The following PHKB variants were observed in gnomAD, a reference collection of about 807,000 sequenced individuals.
The protein encoded by PHKB is phosphorylase kinase regulatory subunit beta.
A neutral mutation model predicts 152.1 loss-of-function variants in PHKB; 122 were observed. The observed-to-expected ratio is 0.80, with a 90% CI of 0.69 to 0.93. The LOEUF is 0.93. PHKB is among the 40% of genes least tolerant of loss of function. PHKB has a pLI of 0.00. For synonymous variants in PHKB, 436 were observed against 464.9 expected (o/e 0.94, Z 0.80); for missense variants, 1,304 against 1,328.4 (o/e 0.98, Z 0.29).
In PHKB at chr16:47,593,529, C is replaced by T. The variant is rs1321122122; in HGVS notation, c.1098C>T (p.Pro366=). The T allele has an allele frequency of 2.0e-6, 3 of 1,496,356 alleles. No homozygotes were observed. The Admixed American group carries it at 5.0e-5, about 25-fold the overall frequency. 92.7% of individuals were successfully genotyped at this position (1,496,356 alleles called of 1,614,324 possible). ...KLFDGIECEF[P]IFFLYMMIDG... is the part of the protein sequence containing the mutation. ...TTGATGGCATTGAATGTGAATTTCC[C>T]ATATTTTTCCTTTATATGATGATTG... Residue 366 remains proline, a synonymous_variant, in exon 11 of 31, where the codon CCC becomes CCT. Coordinates refer to ENST00000323584, the MANE Select transcript of PHKB (RefSeq NM_000293.3).
At chr16:47,520,309 T>C (rs931802292) in intron 6 of PHKB, among the ~76,000 whole-genome samples, 7 of 152,248 alleles carry the variant, frequency 4.6e-5, no homozygotes, top group Non-Finnish European at 7.3e-5. Context: ...TTATGTGCTG[T>C]CACTGTTCAA....
intron 6 of PHKB, among the ~76,000 whole-genome samples, chr16:47,518,425 G>A (rs1376398061): frequency 6.6e-6 from 1 of 152,124 alleles, no homozygotes; most frequent in Non-Finnish European, 1.5e-5. Context: ...TAGTTCCTTT[G>A]GGAGAGGGCC....
chr16:47,464,473 C>T (rs1333690673), intron 1 of PHKB, among the ~76,000 whole-genome samples: 4 of 152,280 alleles, frequency 2.6e-5, no homozygotes, highest in Admixed American at 2.6e-4. Flanking sequence ...GTGCTTTGGC[C>T]TTTATCCTGT....
At chr16:47,629,016 A>T (rs1051978226) in intron 14 of PHKB, among the ~76,000 whole-genome samples, 2 of 152,208 alleles carry the variant, frequency 1.3e-5, no homozygotes, top group Non-Finnish European at 2.9e-5. Flanking sequence ...TTATACAAAA[A>T]TCAATTCAAG....
intron 13 of PHKB, among the ~76,000 whole-genome samples, chr16:47,608,127 T>A (rs1262806984): frequency 6.6e-6 from 1 of 152,198 alleles, no homozygotes; most frequent in African/African-American, 2.4e-5. Context: ...TTCTCACCAT[T>A]CTTTGGGCTG....
At chr16:47,530,268 T>G (rs550345119) in intron 6 of PHKB, among the ~76,000 whole-genome samples, 1 of 152,000 alleles carries the variant, frequency 6.6e-6, no homozygotes, top group East Asian at 1.9e-4. Flanking sequence ...CCTAAGTAGC[T>G]GGGATCACAG....
At chr16:47,630,713 GT>G (rs1972812867) in intron 14 of PHKB, among the ~76,000 whole-genome samples, 1 of 152,146 alleles carries the variant, frequency 6.6e-6, no homozygotes, top group Admixed American at 6.5e-5. Flanking sequence ...TATTCTGAGT[GT>G]TTCTGTGACA....
At chr16:47,489,755 C>T (rs1035183517) in intron 1 of PHKB, among the ~76,000 whole-genome samples, 2 of 152,198 alleles carry the variant, frequency 1.3e-5, no homozygotes, top group Non-Finnish European at 2.9e-5. Context: ...CTTTTATTAG[C>T]TATGCAAGTT....
At position 47,698,601 on chromosome 16, in the gene PHKB, CTTT is replaced by C. The variant is rs5816579; in HGVS notation, c.3144+32_3144+34del. ...AATTGAAAAACAAGTAAGTACACAGCTTTTTTTTTTTTTTTTTTTTTGAGAATT... is the reference window on the plus strand; with the variant it reads ...AATTGAAAAACAAGTAAGTACACAGCTTTTTTTTTTTTTTTTTTGAGAATT... On this transcript the variant is annotated intron_variant, in intron 30 of 30. Coordinates refer to ENST00000323584, the MANE Select transcript of PHKB (RefSeq NM_000293.3). 7.2e-4 allele frequency: 523 copies of C among 730,096 alleles called. No individual in the cohort carries two copies. The highest frequency in any genetic ancestry group is 3.2e-3 in the Middle Eastern group (6 of 1,904). The allele number at this position is 730,096 out of a possible 1,614,324, so 45.2% of individuals were successfully genotyped here.
intron 8 of PHKB, among the ~76,000 whole-genome samples, chr16:47,584,184 A>AT (rs1971897531): frequency 6.6e-6 from 1 of 152,112 alleles, no homozygotes; most frequent in South Asian, 2.1e-4. Flanking sequence ...ATAAAAGCCA[A>AT]TTTGGGGCAG....
chr16:47,585,403 C>G (rs1971918720), intron 8 of PHKB, among the ~76,000 whole-genome samples: 1 of 152,138 alleles, frequency 6.6e-6, no homozygotes, highest in Non-Finnish European at 1.5e-5. Context: ...GTGTTCAAAG[C>G]AGTGCAGACA....
At position 47,606,221 on chromosome 16, in the gene PHKB, C is replaced by T. The variant is rs1972321080; in HGVS notation, c.1364-4605C>T. 2.6e-5 allele frequency among the ~76,000 whole-genome samples: 4 copies of T among 152,044 alleles called. No individual in the cohort carries two copies. In the South Asian group the frequency reaches 8.3e-4, roughly 32 times the overall value. ...TACTAAAATCCTTTGGTGATTTTGT[C>T]TCAAATAACAATGCAGATGTGCCTG... On this transcript the variant is annotated intron_variant, in intron 13 of 30. Coordinates refer to ENST00000323584, the MANE Select transcript of PHKB (RefSeq NM_000293.3).
intron 13 of PHKB, 70 bp from the exon 14 acceptor site, chr16:47,610,756 A>G: frequency 1.2e-6 from 1 of 849,980 alleles, no homozygotes; most frequent in East Asian, 2.4e-5. Context: ...AGTATTTTCT[A>G]AAAGTCTAGT....
intron 20 of PHKB, among the ~76,000 whole-genome samples, chr16:47,660,246 C>G (rs1973414745): frequency 6.6e-6 from 1 of 152,138 alleles, no homozygotes; most frequent in African/African-American, 2.4e-5. Context: ...ATTCTAAGAA[C>G]AGAGAGTCCA....
chr16:47,612,755 C>T (rs1972450874), intron 14 of PHKB, among the ~76,000 whole-genome samples: 5 of 152,040 alleles, frequency 3.3e-5, no homozygotes. Context: ...TGGATATGTC[C>T]CCATGTGGTT....
intron 8 of PHKB, among the ~76,000 whole-genome samples, chr16:47,581,758 C>T (rs1971850603): frequency 6.6e-6 from 1 of 152,184 alleles, no homozygotes; most frequent in Non-Finnish European, 1.5e-5. Context: ...CGGCTCACTG[C>T]GACCTCCGCC....
At chr16:47,550,176 G>C (rs1041961468) in intron 7 of PHKB, among the ~76,000 whole-genome samples, 1 of 152,148 alleles carries the variant, frequency 6.6e-6, no homozygotes, top group Non-Finnish European at 1.5e-5. Flanking sequence ...TTGAAACTGC[G>C]AGAGAGTTGA....
chr16:47,548,638 A>G (rs888619611), intron 7 of PHKB, among the ~76,000 whole-genome samples: 1 of 151,956 alleles, frequency 6.6e-6, no homozygotes, highest in Non-Finnish European at 1.5e-5. Flanking sequence ...ACTGTAGAAA[A>G]CACTGGTTGA....
intron 8 of PHKB, among the ~76,000 whole-genome samples, chr16:47,580,572 A>AG (rs1971826262): frequency 6.6e-6 from 1 of 151,644 alleles, no homozygotes; most frequent in Non-Finnish European, 1.5e-5. Flanking sequence ...AAAAAAAAAA[A>AG]AAAGAAAATT....
Sources: allele counts gnomAD v4.1 joint callset (sites outside exome capture counted in the v4.1 genomes callset), GRCh38; gene constraint gnomAD v4.1.1; transcripts MANE v1.5; gene names NCBI Gene and HGNC (gene_info 2026-07-23, HGNC 2026-07-21).